The following TMEM132C variants were observed in gnomAD, a reference collection of about 807,000 sequenced individuals.
The protein encoded by TMEM132C is protein phosphatase 1, regulatory subunit 152.
TMEM132C carries 29 observed loss-of-function variants against 61.4 expected under a neutral mutation model. The observed-to-expected ratio is 0.47, with a 90% CI of 0.35 to 0.64. The LOEUF (loss-of-function observed/expected upper bound fraction) is 0.64. TMEM132C is among the 30% of genes least tolerant of loss of function. TMEM132C has a pLI of 0.00. For missense variants in TMEM132C, 1,408 were observed against 1,476.9 expected (o/e 0.95, Z 0.76); for synonymous variants, 656 against 633.1 (o/e 1.04, Z -0.54).
At chr12:128,686,228 G>T (rs1954675872) in intron 5 of TMEM132C, among the ~76,000 whole-genome samples, 1 of 152,202 alleles carries the variant, frequency 6.6e-6, no homozygotes, top group Admixed American at 6.5e-5. Context: ...CATAGGGAGT[G>T]TTCAGTGACC....
chr12:128,396,015 G>A (rs188906909), intron 1 of TMEM132C, among the ~76,000 whole-genome samples: 1 of 152,308 alleles, frequency 6.6e-6, no homozygotes, highest in East Asian at 1.9e-4. Flanking sequence ...GTGGTCATAG[G>A]CATGAAGCCC....
intron 1 of TMEM132C, among the ~76,000 whole-genome samples, chr12:128,368,275 G>T (rs896987345): frequency 6.6e-6 from 1 of 152,224 alleles, no homozygotes; most frequent in Non-Finnish European, 1.5e-5. Context: ...CGGAAGCAAC[G>T]TCCATTTGGT....
chr12:128,394,950 A>G (rs1461666298), intron 1 of TMEM132C, among the ~76,000 whole-genome samples: 1 of 151,268 alleles, frequency 6.6e-6, no homozygotes, highest in East Asian at 2.0e-4. Context: ...ACATGTGACC[A>G]TCCCAAAGAT....
At chr12:128,303,844 G>A (rs1871674570) in intron 1 of TMEM132C, among the ~76,000 whole-genome samples, 1 of 152,132 alleles carries the variant, frequency 6.6e-6, no homozygotes, top group African/African-American at 2.4e-5. Flanking sequence ...CAGACCTCAG[G>A]AGGTTTCTGC....
At chr12:128,456,177 A>G (rs895038548) in intron 2 of TMEM132C, among the ~76,000 whole-genome samples, 2 of 151,648 alleles carry the variant, frequency 1.3e-5, no homozygotes, top group East Asian at 1.9e-4. Flanking sequence ...TCAGGAACCA[A>G]CTCTCTTAGT....
chr12:128,445,816 C>A (rs1180805399), intron 2 of TMEM132C, among the ~76,000 whole-genome samples: 1 of 152,178 alleles, frequency 6.6e-6, no homozygotes, highest in South Asian at 2.1e-4. Context: ...CCACCCCTCA[C>A]CCCTGGGGAC....
At chr12:128,408,291 T>C (rs912991101) in intron 1 of TMEM132C, among the ~76,000 whole-genome samples, 1 of 152,204 alleles carries the variant, frequency 6.6e-6, no homozygotes, top group Non-Finnish European at 1.5e-5. Flanking sequence ...TAGACTTTTT[T>C]CCAGTTAAGA....
intron 2 of TMEM132C, among the ~76,000 whole-genome samples, chr12:128,471,987 A>C (rs553660177): frequency 6.6e-6 from 1 of 152,324 alleles, no homozygotes; most frequent in African/African-American, 2.4e-5. Context: ...TAAAAATCAA[A>C]CCGCACTGGC....
Position 128,326,820 on chromosome 12 carries a change from G to A in TMEM132C, c.85+59333G>A, listed in dbSNP as rs899980728. On this transcript the variant is annotated intron_variant, in intron 1 of 8. Transcript: ENST00000435159. The surrounding 1 kb of genome is among the most constrained non-coding windows in gnomAD (Gnocchi z 5.6). ...TATTTTTTTTTTCTTTCTTAACAAC[G>A]TAGTAAAACAGCACTCAGGAATTAA... 1.3e-5 allele frequency among the ~76,000 whole-genome samples: 2 copies of A among 149,776 alleles called. No individual in the cohort carries two copies. The highest frequency in any genetic ancestry group is 2.5e-5 in the African/African-American group (1 of 39,282).
chr12:128,291,100 G>A (rs145270267), intron 1 of TMEM132C, among the ~76,000 whole-genome samples: 2,278 of 152,264 alleles, frequency 0.015, 57 homozygotes, highest in African/African-American at 0.051. Context: ...CTAAAGAGCT[G>A]GATGACCCGA....
At chr12:128,592,058 A>AG (rs1875771975) in intron 3 of TMEM132C, among the ~76,000 whole-genome samples, 1 of 100,220 alleles carries the variant, frequency 1.0e-5, no homozygotes, top group Admixed American at 1.2e-4. Context: ...AAAAAAAAAA[A>AG]GAAAAAAAAA....
Position 128,705,864 on chromosome 12 carries a change from AC to A in TMEM132C, c.2899del (p.His967ThrfsTer32). ...QVPLEGQASM[T>X]HSHDWVWLGN... Reference sequence around the variant, plus strand: ...GCCCCTGGAAGGTCAGGCCTCCATGACCCACTCTCACGACTGGGTGTGGCTT... The same window carrying A: ...GCCCCTGGAAGGTCAGGCCTCCATGACCACTCTCACGACTGGGTGTGGCTT... On this transcript the variant is annotated frameshift_variant, in exon 9 of 9. Coordinates refer to ENST00000435159, the MANE Select transcript of TMEM132C (RefSeq NM_001136103.3). LOFTEE classifies it low-confidence loss of function (END_TRUNC). 6.4e-7 allele frequency: 1 copy of A among 1,551,514 alleles called. No individual in the cohort carries two copies. Among genetic ancestry groups the A allele is most frequent in the Non-Finnish European group, 8.7e-7 (1 of 1,146,992 alleles).
chr12:128,638,385 T>C (rs1279272928), intron 4 of TMEM132C, among the ~76,000 whole-genome samples: 4 of 152,346 alleles, frequency 2.6e-5, no homozygotes, highest in Non-Finnish European at 5.9e-5. Context: ...AGAGCTGCCC[T>C]GGTTTGGTAA....
chr12:128,574,055 G>A (rs1454138855), intron 3 of TMEM132C, among the ~76,000 whole-genome samples: 8 of 99,196 alleles, frequency 8.1e-5, no homozygotes, highest in Non-Finnish European at 1.2e-4. Context: ...GTCCACTACC[G>A]AGGGCACTTT....
At chr12:128,469,107 G>A (rs1423380261) in intron 2 of TMEM132C, among the ~76,000 whole-genome samples, 2 of 152,070 alleles carry the variant, frequency 1.3e-5, no homozygotes, top group African/African-American at 2.4e-5. Flanking sequence ...GATCATTTAC[G>A]ATGTTTTCGT....
At chr12:128,617,502 A>G (rs550898887) in intron 4 of TMEM132C, among the ~76,000 whole-genome samples, 1 of 152,206 alleles carries the variant, frequency 6.6e-6, no homozygotes, top group Non-Finnish European at 1.5e-5. Context: ...TGGGGAATGT[A>G]TCACCCTGGG....
chr12:128,635,462 C>CTTTTTTTTTTTTTTTTTTTTTTTTT (rs372811916), intron 4 of TMEM132C, among the ~76,000 whole-genome samples: 5 of 130,438 alleles, frequency 3.8e-5, no homozygotes, highest in African/African-American at 8.2e-5. Flanking sequence ...TGAGTTTTTT[C>CTTTTTTTTTTTTTTTTTTTTTTTTT]TTTTTTTTTT....
intron 2 of TMEM132C, among the ~76,000 whole-genome samples, chr12:128,423,611 T>C (rs934799840): frequency 6.6e-6 from 1 of 152,212 alleles, no homozygotes; most frequent in East Asian, 1.9e-4. Context: ...GGCTTTTGCC[T>C]GTAGTCCCAG....
At chr12:128,371,612 G>A (rs1593028762) in intron 1 of TMEM132C, among the ~76,000 whole-genome samples, 1 of 152,160 alleles carries the variant, frequency 6.6e-6, no homozygotes, top group East Asian at 1.9e-4. Flanking sequence ...CCTTACTGTT[G>A]CCTAGGCTGG....
Sources: gnomAD v4.1 joint callset for allele counts (sites outside exome capture counted in the v4.1 genomes callset) on GRCh38, gnomAD v4.1.1 for gene constraint, Gnocchi (gnomAD v3.1) non-coding constraint, MANE v1.5 for transcripts, NCBI Gene and HGNC (gene_info 2026-07-23, HGNC 2026-07-21) for gene names.